The following CNTNAP2 variants were observed in gnomAD, a reference collection of about 807,000 sequenced individuals.
The protein encoded by CNTNAP2 is contactin associated protein 2, also known as contactin-associated protein-like 2.
In CNTNAP2, 98 loss-of-function variants were observed where a neutral mutation model predicts 155.2. That is an observed-to-expected ratio of 0.63 (90% CI 0.54 to 0.75). The LOEUF (loss-of-function observed/expected upper bound fraction) is 0.75. CNTNAP2 is among the 30% of genes least tolerant of loss of function. The pLI, the probability that CNTNAP2 is intolerant of heterozygous loss-of-function variation, is 0.00. For synonymous variants in CNTNAP2, 651 were observed against 631.2 expected (o/e 1.03, Z -0.47); for missense variants, 1,727 against 1,688.1 (o/e 1.02, Z -0.40).
At chr7:147,906,434 C>G (rs1223224580) in intron 14 of CNTNAP2, among the ~76,000 whole-genome samples, 1 of 151,966 alleles carries the variant, frequency 6.6e-6, no homozygotes, top group Non-Finnish European at 1.5e-5. Context: ...TCCCACAGTG[C>G]TAGGATTACA....
intron 13 of CNTNAP2, among the ~76,000 whole-genome samples, chr7:147,697,357 C>G (rs1225884293): frequency 6.6e-6 from 1 of 152,104 alleles, no homozygotes; most frequent in African/African-American, 2.4e-5. Context: ...TTCCAACGTC[C>G]CTACCATATC....
At chr7:148,320,627 G>T (rs894074782) in intron 21 of CNTNAP2, among the ~76,000 whole-genome samples, 1 of 151,668 alleles carries the variant, frequency 6.6e-6, no homozygotes, top group Non-Finnish European at 1.5e-5. Flanking sequence ...CAGGTGATCC[G>T]CCCGCCTCCG....
At chr7:146,978,577 G>T (rs1326109075) in intron 3 of CNTNAP2, among the ~76,000 whole-genome samples, 2 of 151,884 alleles carry the variant, frequency 1.3e-5, no homozygotes, top group African/African-American at 4.8e-5. Flanking sequence ...TCCTCATTGT[G>T]TTCTCTCTCT....
At chr7:147,239,578 A>G (rs2116634605) in intron 8 of CNTNAP2, among the ~76,000 whole-genome samples, 1 of 152,252 alleles carries the variant, frequency 6.6e-6, no homozygotes, top group South Asian at 2.1e-4. Context: ...CTTAAAGTTA[A>G]TAACCACTCT....
intron 20 of CNTNAP2, among the ~76,000 whole-genome samples, chr7:148,258,732 C>T (rs546634228): frequency 2.0e-5 from 3 of 152,270 alleles, no homozygotes; most frequent in Non-Finnish European, 4.4e-5. Context: ...GTAAATAAAA[C>T]ATTCATCAGA....
In CNTNAP2 at chr7:147,094,312, C is replaced by T. The variant is rs1184057981; in HGVS notation, c.551-13835C>T. Among the ~76,000 whole-genome samples, 4 of 152,188 alleles carry T rather than the reference C, an allele frequency of 2.6e-5. No homozygotes were observed. In the East Asian group the frequency reaches 5.8e-4, roughly 22 times the overall value. On this transcript the variant is annotated intron_variant, in intron 4 of 23. Transcript: ENST00000361727. Reference sequence around the variant, plus strand: ...CTTAAGAAGATTGAGGTTCTTTCTACAGCTCTCCTCTTTTCTTCTTAAGTC... The same window carrying T: ...CTTAAGAAGATTGAGGTTCTTTCTATAGCTCTCCTCTTTTCTTCTTAAGTC...
At chr7:147,541,298 C>G (rs1799634239) in intron 11 of CNTNAP2, among the ~76,000 whole-genome samples, 1 of 152,182 alleles carries the variant, frequency 6.6e-6, no homozygotes, top group African/African-American at 2.4e-5. Context: ...GCTCCATAGC[C>G]TTCTGTTACT....
Position 147,467,997 on chromosome 7 carries a change from C to T in CNTNAP2, c.1671-17938C>T, listed in dbSNP as rs1584751045. On this transcript the variant is annotated intron_variant, in intron 10 of 23. Coordinates refer to ENST00000361727, the MANE Select transcript of CNTNAP2 (RefSeq NM_014141.6). ...AGTATGCTATGATCACAGCACTGCA[C>T]TCCAGCCTGAGCAACAGAACTCACA... Among the ~76,000 whole-genome samples, 7 of 152,216 alleles carry T rather than the reference C, an allele frequency of 4.6e-5. 1 individual carries two copies. The highest frequency in any genetic ancestry group is 4.6e-4 in the Admixed American group (7 of 15,286).
At chr7:147,891,715 A>G (rs1799697536) in intron 13 of CNTNAP2, among the ~76,000 whole-genome samples, 1 of 152,220 alleles carries the variant, frequency 6.6e-6, no homozygotes, top group Non-Finnish European at 1.5e-5. Context: ...ATATAAACTT[A>G]TAGAAATGGA....
At chr7:146,564,013 T>C (rs912757324) in intron 1 of CNTNAP2, among the ~76,000 whole-genome samples, 1 of 152,162 alleles carries the variant, frequency 6.6e-6, no homozygotes, top group Non-Finnish European at 1.5e-5. Context: ...ATAAGTCAAA[T>C]ACCCATATTC....
chr7:146,501,403 A>G (rs1044405240), intron 1 of CNTNAP2, among the ~76,000 whole-genome samples: 1 of 152,046 alleles, frequency 6.6e-6, no homozygotes, highest in African/African-American at 2.4e-5. Context: ...TGTGTTTTAC[A>G]TATATGCTAA....
intron 13 of CNTNAP2, among the ~76,000 whole-genome samples, chr7:147,901,389 C>A (rs1417925880): frequency 6.6e-6 from 1 of 152,104 alleles, no homozygotes; most frequent in African/African-American, 2.4e-5. Context: ...GGAAGATAAA[C>A]ATTGAAAAGA....
chr7:146,556,777 G>A (rs1798205404), intron 1 of CNTNAP2, among the ~76,000 whole-genome samples: 1 of 152,086 alleles, frequency 6.6e-6, no homozygotes, highest in Non-Finnish European at 1.5e-5. Context: ...GACAGCATAA[G>A]AATGAAAAGA....
intron 1 of CNTNAP2, among the ~76,000 whole-genome samples, chr7:146,235,828 G>A (rs1799463865): frequency 6.6e-6 from 1 of 152,074 alleles, no homozygotes; most frequent in Non-Finnish European, 1.5e-5. Flanking sequence ...TCTCCCGTCT[G>A]CCTTTTTGCC....
intron 13 of CNTNAP2, among the ~76,000 whole-genome samples, chr7:147,854,284 T>C (rs758195457): frequency 5.9e-5 from 9 of 152,184 alleles, no homozygotes; most frequent in Non-Finnish European, 1.2e-4. Context: ...TGGAAATGAT[T>C]ACTAGCTTCT....
At chr7:146,368,744 C>T (rs1485104199) in intron 1 of CNTNAP2, among the ~76,000 whole-genome samples, 1 of 151,752 alleles carries the variant, frequency 6.6e-6, no homozygotes, top group Non-Finnish European at 1.5e-5. Flanking sequence ...TATTTGTGCA[C>T]CTCTGCATTT....
chr7:147,619,904 G>C (rs1382141416), intron 12 of CNTNAP2, among the ~76,000 whole-genome samples: 1 of 152,184 alleles, frequency 6.6e-6, no homozygotes, highest in African/African-American at 2.4e-5. Context: ...CTTTAGATCT[G>C]ACCCAGCACA....
chr7:147,035,104 A>T (rs1414466780), intron 3 of CNTNAP2, among the ~76,000 whole-genome samples: 5 of 152,256 alleles, frequency 3.3e-5, no homozygotes, highest in Middle Eastern at 3.4e-3. Flanking sequence ...TCAGAAAAAA[A>T]GTCCTGCTGA....
At chr7:146,362,346 C>T (rs1468818000) in intron 1 of CNTNAP2, among the ~76,000 whole-genome samples, 2 of 152,022 alleles carry the variant, frequency 1.3e-5, no homozygotes, top group Non-Finnish European at 2.9e-5. Flanking sequence ...AGGAGGAAAA[C>T]AGGTAAGGTA....
Sources: allele counts gnomAD v4.1 joint callset (sites outside exome capture counted in the v4.1 genomes callset), GRCh38; gene constraint gnomAD v4.1.1; transcripts MANE v1.5; gene names NCBI Gene and HGNC (gene_info 2026-07-23, HGNC 2026-07-21).